KCNG2: variants seen among roughly 807,000 people sequenced by gnomAD.
The protein encoded by KCNG2 is potassium voltage-gated channel modifier subfamily G member 2.
In KCNG2, 7 loss-of-function variants were observed where a neutral mutation model predicts 12.3. That is an observed-to-expected ratio of 0.57 (90% confidence interval 0.32 to 1.07). The LOEUF is 1.07. Among genes scored for constraint, KCNG2 ranks in the 50% least tolerant of loss-of-function variants. The pLI is 0.04. For synonymous variants in KCNG2, 414 were observed against 351.4 expected, an observed-to-expected ratio of 1.18 and a Z score of -1.99; for missense variants, 703 against 726.0, an observed-to-expected ratio of 0.97 and a Z score of 0.36.
rs1979360178 is a variant in KCNG2 at position 79,864,222 on chromosome 18, C to T, written c.555C>T (p.Ser185=). ...AGKLFACVSV[S]FVAVTAVGLC... ...AGCTCTTCGCCTGCGTGTCCGTGTC[C>T]TTCGTGGCCGTCACGGCCGTGGGCC... The change falls in exon 3 of 4, where the codon TCC becomes TCT. Residue 185 remains serine (S), a synonymous_variant. Coordinates refer to ENST00000316249, the MANE Select transcript of KCNG2 (RefSeq NM_012283.2). The T allele has an allele frequency of 1.3e-6, 2 of 1,551,752 alleles. No individual in the cohort carries two copies. The highest frequency in any genetic ancestry group is 1.4e-5 in the African/African-American group (1 of 69,942).
At chr18:79,862,052 A>C (rs2123063836) in intron 2 of KCNG2, among the ~76,000 whole-genome samples, 1 of 152,278 alleles carries the variant, frequency 6.6e-6, no homozygotes, top group East Asian at 1.9e-4. Flanking sequence ...AAATTCCTCT[A>C]GCTCTTTGAA....
chr18:79,821,582 G>A (rs140278122), intron 1 of KCNG2, among the ~76,000 whole-genome samples: 19 of 152,264 alleles, frequency 1.2e-4, no homozygotes, highest in South Asian at 4.1e-4. Context: ...GAGCCACCAC[G>A]CCTGGCCTTT....
chr18:79,847,931 T>C (rs1978679195), intron 1 of KCNG2, among the ~76,000 whole-genome samples: 2 of 152,232 alleles, frequency 1.3e-5, no homozygotes, highest in Non-Finnish European at 2.9e-5. Flanking sequence ...ATTTCATTTA[T>C]GTATGTGTAT....
At chr18:79,853,784 G>A (rs1179717139) in intron 1 of KCNG2, among the ~76,000 whole-genome samples, 3 of 152,358 alleles carry the variant, frequency 2.0e-5, no homozygotes, top group Middle Eastern at 3.4e-3. Flanking sequence ...ATCTGTGCTG[G>A]GGGGATGGCC....
At chr18:79,889,244 A>C (rs1223606090) in intron 3 of KCNG2, among the ~76,000 whole-genome samples, 1 of 152,130 alleles carries the variant, frequency 6.6e-6, no homozygotes, top group African/African-American at 2.4e-5. Context: ...ATTTTACCCC[A>C]AGTCTCCTTC....
rs1469299142 is a variant in KCNG2 at position 79,883,879 on chromosome 18, C to T, written c.625-15161C>T. Reference sequence around the variant, plus strand: ...GGGCCCGTCATGGCGGCTGCAGCCCCTTCTGCCATTTAGCACAGACTTGCA... The same window carrying T: ...GGGCCCGTCATGGCGGCTGCAGCCCTTTCTGCCATTTAGCACAGACTTGCA... On this transcript the variant is annotated intron_variant, in intron 3 of 3. Coordinates refer to ENST00000316249, the MANE Select transcript of KCNG2 (RefSeq NM_012283.2). 2.0e-5 allele frequency among the ~76,000 whole-genome samples: 3 copies of T among 152,232 alleles called. No individual in the cohort carries two copies. The East Asian group carries it at 5.8e-4, about 29-fold the overall frequency.
At chr18:79,858,734 G>T (rs1432843303) in intron 2 of KCNG2, among the ~76,000 whole-genome samples, 4 of 149,910 alleles carry the variant, frequency 2.7e-5, no homozygotes, top group Admixed American at 6.7e-5. Context: ...CACTTGTTGG[G>T]TTTTTTTTTT....
chr18:79,871,174 C>T lies in KCNG2; in HGVS notation c.624+6883C>T, dbSNP rs537417693. On this transcript the variant is annotated intron_variant, in intron 3 of 3. Coordinates refer to ENST00000316249, the MANE Select transcript of KCNG2 (RefSeq NM_012283.2). Reference sequence around the variant, plus strand: ...TCAGGCACAGGCCTCCGGGGTCCGCCGTGAGGGTGTTCTGTCCACCTGCAC... The same window carrying T: ...TCAGGCACAGGCCTCCGGGGTCCGCTGTGAGGGTGTTCTGTCCACCTGCAC... Among the ~76,000 whole-genome samples the T allele has an allele frequency of 3.3e-5, 5 of 152,360 alleles. No homozygotes were observed. In the South Asian group the frequency reaches 8.3e-4, roughly 25 times the overall value.
chr18:79,872,280 G>GGTTT (rs1330535927), intron 3 of KCNG2, among the ~76,000 whole-genome samples: 1 of 73,410 alleles, frequency 1.4e-5, no homozygotes, highest in Non-Finnish European at 2.4e-5. Context: ...CAAAGCTTCA[G>GGTTT]TTTTTTTTTT....
intron 1 of KCNG2, among the ~76,000 whole-genome samples, chr18:79,819,607 C>T (rs749381264): frequency 3.9e-5 from 6 of 152,220 alleles, no homozygotes; most frequent in South Asian, 2.1e-4. Flanking sequence ...GTGAGCTGAG[C>T]GCTCAGCCAA....
intron 1 of KCNG2, among the ~76,000 whole-genome samples, chr18:79,829,156 G>A (rs1325052381): frequency 6.7e-6 from 1 of 148,990 alleles, no homozygotes; most frequent in African/African-American, 2.5e-5. Context: ...GTCTATGTGT[G>A]CGTGTGTGTA....
At chr18:79,860,263 A>G (rs1464123300) in intron 2 of KCNG2, among the ~76,000 whole-genome samples, 2 of 152,228 alleles carry the variant, frequency 1.3e-5, no homozygotes. Flanking sequence ...CATTTCCAAT[A>G]GAATTTTCAA....
At chr18:79,821,476 G>C (rs144569723) in intron 1 of KCNG2, among the ~76,000 whole-genome samples, 1 of 151,958 alleles carries the variant, frequency 6.6e-6, no homozygotes, top group Non-Finnish European at 1.5e-5. Context: ...TTTTAGTAGA[G>C]ACGGGGTTTC....
intron 1 of KCNG2, among the ~76,000 whole-genome samples, chr18:79,807,310 C>G (rs1401732934): frequency 1.3e-5 from 2 of 152,096 alleles, no homozygotes; most frequent in Non-Finnish European, 2.9e-5. Context: ...TGTTGGGGTG[C>G]CGCGAGCAAA....
At chr18:79,862,985 C>G (rs894237311) in intron 2 of KCNG2, among the ~76,000 whole-genome samples, 1 of 152,202 alleles carries the variant, frequency 6.6e-6, no homozygotes, top group Non-Finnish European at 1.5e-5. Context: ...GAAGACTCAG[C>G]TGTTCTTTCT....
intron 1 of KCNG2, among the ~76,000 whole-genome samples, chr18:79,850,224 C>G (rs1319847151): frequency 6.6e-6 from 1 of 152,238 alleles, no homozygotes; most frequent in Non-Finnish European, 1.5e-5. Context: ...TTTACTCATA[C>G]AGCCGAAGCC....
At chr18:79,873,451 C>T (rs1599417494) in intron 3 of KCNG2, among the ~76,000 whole-genome samples, 1 of 138,066 alleles carries the variant, frequency 7.2e-6, no homozygotes. Context: ...CACCTCCTGT[C>T]AGTCTTCCCA....
chr18:79,863,867 A>G lies in KCNG2; in HGVS notation c.200A>G (p.Asp67Gly). 3 of 1,472,318 alleles carry G rather than the reference A, an allele frequency of 2.0e-6. No individual in the cohort carries two copies. Among genetic ancestry groups the G allele is most frequent in the Non-Finnish European group, 2.7e-6 (3 of 1,109,394 alleles). The allele number at this position is 1,472,318 out of a possible 1,614,324, so 91.2% of individuals were successfully genotyped here. A position where few individuals can be genotyped will look rare whatever the true frequency, so the allele number is the denominator to read the frequency against. The change falls in exon 3 of 4, where the codon GAC becomes GGC. Residue 67 changes from aspartate to glycine, a missense_variant. Physicochemically the swap from Asp to Gly is moderately conservative, Grantham distance 94. Coordinates refer to ENST00000316249, the MANE Select transcript of KCNG2 (RefSeq NM_012283.2). ...TGTGACGACTACGACGTGAGCCGCG[A>G]CGAGTTCTTCTTCGACCGCAGCCCG... is the stretch of plus-strand genomic sequence containing the variant. ...RVCDDYDVSR[D>G]EFFFDRSPCA... is the part of the protein sequence containing the mutation.
At chr18:79,816,965 T>A (rs572808311) in intron 1 of KCNG2, among the ~76,000 whole-genome samples, 6 of 152,346 alleles carry the variant, frequency 3.9e-5, no homozygotes, top group African/African-American at 1.4e-4. Flanking sequence ...GTCACATGGC[T>A]GTCACAAGGC....
Sources: allele counts gnomAD v4.1 joint callset (sites outside exome capture counted in the v4.1 genomes callset), GRCh38; gene constraint gnomAD v4.1.1; transcripts MANE v1.5; gene names NCBI Gene and HGNC (gene_info 2026-07-23, HGNC 2026-07-21).